Variants in TMEM135 observed in about 807,000 individuals in gnomAD.
TMEM135 encodes the protein peroxisomal membrane protein 52.
In TMEM135, 30 loss-of-function variants were observed where a neutral mutation model predicts 60.3. That is an observed-to-expected ratio of 0.50 (90% CI 0.37 to 0.68). The LOEUF is 0.68. Among genes scored for constraint, TMEM135 ranks in the 30% least tolerant of loss-of-function variants. The probability of loss-of-function intolerance (pLI) is 0.00; values close to 1 mark genes in which losing one functional copy is unlikely to be tolerated. For missense variants in TMEM135, 468 were observed against 548.8 expected, an observed-to-expected ratio of 0.85 and a Z score of 1.47; for synonymous variants, 190 against 186.7, an observed-to-expected ratio of 1.02 and a Z score of -0.14.
intron 2 of TMEM135, 107 bp from the exon 3 acceptor site, chr11:87,071,416 T>C (rs917680131): frequency 2.5e-6 from 2 of 801,810 alleles, no homozygotes; most frequent in African/African-American, 3.4e-5. Flanking sequence ...TTTGAGGTAG[T>C]GTGGTACATT....
chr11:87,258,007 CCTTT>C (rs1941563275), intron 6 of TMEM135, among the ~76,000 whole-genome samples: 1 of 151,834 alleles, frequency 6.6e-6, no homozygotes, highest in South Asian at 2.1e-4. Context: ...CGTCTAAGTC[CCTTT>C]CTAAGAATAC....
intron 1 of TMEM135, among the ~76,000 whole-genome samples, chr11:87,043,774 T>A (rs1949771776): frequency 1.3e-5 from 2 of 152,026 alleles, no homozygotes; most frequent in African/African-American, 4.8e-5. Context: ...AGACTACCAC[T>A]AAGATTAAGG....
chr11:87,204,138 T>C (rs1349205846), intron 5 of TMEM135, among the ~76,000 whole-genome samples: 1 of 151,924 alleles, frequency 6.6e-6, no homozygotes, highest in Non-Finnish European at 1.5e-5. Flanking sequence ...TGTTGCATTT[T>C]CTCTGTCACT....
chr11:87,084,700 A>G (rs1591006530), intron 3 of TMEM135, among the ~76,000 whole-genome samples: 1 of 152,254 alleles, frequency 6.6e-6, no homozygotes, highest in African/African-American at 2.4e-5. Flanking sequence ...AAATAAATAG[A>G]TAAATAAAAG....
chr11:87,222,857 C>T (rs1401185920), intron 5 of TMEM135, among the ~76,000 whole-genome samples: 1 of 152,024 alleles, frequency 6.6e-6, no homozygotes, highest in African/African-American at 2.4e-5. Context: ...ATTGTTATAT[C>T]ACTCTCTAAT....
chr11:87,103,048 G>A (rs1412581705), intron 4 of TMEM135, among the ~76,000 whole-genome samples: 1 of 151,896 alleles, frequency 6.6e-6, no homozygotes, highest in Admixed American at 6.6e-5. Flanking sequence ...TCTGTGCCTG[G>A]CTTATTTTAA....
At chr11:87,101,480 AT>A (rs1286547911) in intron 4 of TMEM135, among the ~76,000 whole-genome samples, 1 of 152,216 alleles carries the variant, frequency 6.6e-6, no homozygotes, top group Non-Finnish European at 1.5e-5. Context: ...ACATTTAAAA[AT>A]CCTTCTGTTT....
At chr11:87,155,321 G>A (rs1202997997) in intron 4 of TMEM135, among the ~76,000 whole-genome samples, 7 of 152,192 alleles carry the variant, frequency 4.6e-5, no homozygotes, top group Admixed American at 4.6e-4. Context: ...TGTTGCTTGT[G>A]CTTTCGGTGT....
chr11:87,160,363 A>G (rs1355937248), intron 5 of TMEM135, among the ~76,000 whole-genome samples: 2 of 152,224 alleles, frequency 1.3e-5, no homozygotes, highest in Non-Finnish European at 2.9e-5. Flanking sequence ...GGTCTTAAGC[A>G]GAGGAGTGAT....
At chr11:87,264,788 A>G (rs1317182766) in intron 6 of TMEM135, among the ~76,000 whole-genome samples, 1 of 151,876 alleles carries the variant, frequency 6.6e-6, no homozygotes, top group East Asian at 1.9e-4. Context: ...TTCTTTGTTT[A>G]TTAGCTTTAA....
intron 5 of TMEM135, among the ~76,000 whole-genome samples, chr11:87,186,642 C>A (rs774619874): frequency 6.6e-6 from 1 of 152,136 alleles, no homozygotes; most frequent in Non-Finnish European, 1.5e-5. Context: ...ATTTTTCTCA[C>A]AGGAGATTTG....
At chr11:87,111,243 T>A (rs1857737243) in intron 4 of TMEM135, among the ~76,000 whole-genome samples, 1 of 152,168 alleles carries the variant, frequency 6.6e-6, no homozygotes, top group Admixed American at 6.6e-5. Context: ...TAAAGGGATT[T>A]TTTTGTTTCA....
chr11:87,058,629 ATTTTATTTTT>A (rs1004757921), intron 1 of TMEM135, among the ~76,000 whole-genome samples: 1 of 149,546 alleles, frequency 6.7e-6, no homozygotes, highest in Non-Finnish European at 1.5e-5. Flanking sequence ...ATTTTATTTT[ATTTTATTTTT>A]GACAGAGTCT....
chr11:87,239,970 A>C (rs1026285438), intron 6 of TMEM135, among the ~76,000 whole-genome samples: 1 of 152,150 alleles, frequency 6.6e-6, no homozygotes, highest in Non-Finnish European at 1.5e-5. Flanking sequence ...CTCATATGTT[A>C]TAATCAGATT....
intron 5 of TMEM135, among the ~76,000 whole-genome samples, chr11:87,222,192 A>AAAC (rs1452451012): frequency 6.7e-6 from 1 of 149,628 alleles, no homozygotes; most frequent in Non-Finnish European, 1.5e-5. Flanking sequence ...AAAAAAAAAA[A>AAAC]AAAAAAAAAA....
chr11:87,153,563 A>G (rs968567109), intron 4 of TMEM135, among the ~76,000 whole-genome samples: 1 of 152,194 alleles, frequency 6.6e-6, no homozygotes, highest in Non-Finnish European at 1.5e-5. Context: ...GATTTACTCT[A>G]TTTAAAATAT....
At chr11:87,206,727 G>C (rs760001117) in intron 5 of TMEM135, among the ~76,000 whole-genome samples, 1 of 152,244 alleles carries the variant, frequency 6.6e-6, no homozygotes, top group Non-Finnish European at 1.5e-5. Flanking sequence ...ATTTTGACAG[G>C]ATACTAATAG....
At chr11:87,107,611 G>A (rs191792781) in intron 4 of TMEM135, among the ~76,000 whole-genome samples, 2 of 152,250 alleles carry the variant, frequency 1.3e-5, no homozygotes, top group East Asian at 3.9e-4. Context: ...TTTTATGGCT[G>A]CATAGTATTC....
intron 3 of TMEM135, among the ~76,000 whole-genome samples, chr11:87,091,093 A>G (rs1355615326): frequency 6.6e-6 from 1 of 152,054 alleles, no homozygotes; most frequent in Non-Finnish European, 1.5e-5. Context: ...ACAAATAACA[A>G]TGGGGAAATA....
Sources: allele counts gnomAD v4.1 joint callset (sites outside exome capture counted in the v4.1 genomes callset), GRCh38; gene constraint gnomAD v4.1.1; transcripts MANE v1.5; gene names NCBI Gene and HGNC (gene_info 2026-07-23, HGNC 2026-07-21).